Variants in SPAG17 observed in about 807,000 individuals in gnomAD.
SPAG17 encodes the protein sperm associated antigen 17.
Under a neutral mutation model 273.6 loss-of-function variants are expected in SPAG17, and 169 were observed. The observed-to-expected ratio is 0.62, with a 90% CI of 0.55 to 0.70. SPAG17 has a LOEUF of 0.70. SPAG17 is among the 30% of genes least tolerant of loss of function. SPAG17 has a pLI of 0.00. For missense variants in SPAG17, 2,557 were observed against 2,627.8 expected, an observed-to-expected ratio of 0.97 and a Z score of 0.59; for synonymous variants, 825 against 873.2, an observed-to-expected ratio of 0.94 and a Z score of 0.97.
At chr1:118,106,818 G>T (rs1656426844) in intron 4 of SPAG17, among the ~76,000 whole-genome samples, 1 of 152,184 alleles carries the variant, frequency 6.6e-6, no homozygotes, top group African/African-American at 2.4e-5. Context: ...TAGACAGTAA[G>T]AGGCCCTCTG....
Position 118,085,905 on chromosome 1 carries a change from CA to C in SPAG17, c.1762+16del. On this transcript the variant is annotated intron_variant, in intron 13 of 48. Coordinates refer to ENST00000336338, the MANE Select transcript of SPAG17 (RefSeq NM_206996.4). ...TAATTAAATTGAGTTTAAGCTAAGA[CA>C]AAGCAATGGACTCACCACTCGTACA... The C allele has an allele frequency of 6.4e-7, 1 of 1,571,206 alleles. No homozygotes were observed. The highest frequency in any genetic ancestry group is 1.2e-5 in the South Asian group (1 of 83,260).
At chr1:118,174,611 T>C (rs1660593086) in intron 1 of SPAG17, among the ~76,000 whole-genome samples, 1 of 152,130 alleles carries the variant, frequency 6.6e-6, no homozygotes, top group East Asian at 1.9e-4. Context: ...ATGACATGCA[T>C]ATAAAAATCC....
chr1:118,118,339 G>A (rs1485045212), intron 3 of SPAG17, among the ~76,000 whole-genome samples: 1 of 152,148 alleles, frequency 6.6e-6, no homozygotes, highest in Non-Finnish European at 1.5e-5. Flanking sequence ...TGGGGGGTAA[G>A]CTAGCCAGGG....
At chr1:118,058,875 A>G (rs920564452) in intron 18 of SPAG17, among the ~76,000 whole-genome samples, 1 of 152,234 alleles carries the variant, frequency 6.6e-6, no homozygotes, top group Admixed American at 6.5e-5. Context: ...GGGACATTTT[A>G]TCAGATTGAT....
At chr1:118,163,980 T>C (rs1570808391) in intron 1 of SPAG17, among the ~76,000 whole-genome samples, 1 of 152,206 alleles carries the variant, frequency 6.6e-6, no homozygotes, top group South Asian at 2.1e-4. Flanking sequence ...TTTTGTGACC[T>C]TCTCTCTAAC....
chr1:118,066,709 A>G, intron 18 of SPAG17, 36 bp downstream of exon 18: 4 of 1,584,686 alleles, frequency 2.5e-6, no homozygotes, highest in Non-Finnish European at 3.4e-6. Flanking sequence ...AACTAAACCC[A>G]ACTAACTAAT....
intron 12 of SPAG17, 120 bp downstream of exon 12, chr1:118,086,551 T>G: frequency 1.2e-6 from 1 of 855,644 alleles, no homozygotes; most frequent in Non-Finnish European, 1.8e-6. Flanking sequence ...CAAGTATCTA[T>G]TTTGTACATT....
At chr1:118,104,222 A>G (rs1207085732) in intron 4 of SPAG17, among the ~76,000 whole-genome samples, 1 of 152,218 alleles carries the variant, frequency 6.6e-6, no homozygotes, top group East Asian at 1.9e-4. Context: ...TATCTTGGAT[A>G]TTGAAACTTC....
At chr1:117,964,089 G>A (rs972218267) in intron 47 of SPAG17, 151 bp from the exon 48 acceptor site, 66 of 790,272 alleles carry the variant, frequency 8.4e-5, no homozygotes, top group Non-Finnish European at 1.1e-4. Flanking sequence ...TGCATGCTCA[G>A]GCTTGGGGGT....
rs917590902 is a variant in SPAG17, at chr1:117,975,898, T to A, written c.6005-2337A>T. Among the ~76,000 whole-genome samples the A allele has an allele frequency of 6.6e-5, 10 of 152,342 alleles. No homozygotes were observed. In the South Asian group the frequency reaches 1.0e-3, roughly 16 times the overall value. On this transcript the variant is annotated intron_variant, in intron 43 of 48. Transcript: ENST00000336338. ...AGTACTAATTTGTTGCTCATACTAT[T>A]ATTATTAATAGTAAATATGGTATGG...
chr1:117,966,834 A>G (rs1653913959), intron 46 of SPAG17, 81 bp from the exon 47 acceptor site: 2 of 1,245,264 alleles, frequency 1.6e-6, no homozygotes, highest in South Asian at 3.7e-5. Flanking sequence ...TGAGCAAGTT[A>G]CTTAAACTCT....
chr1:117,958,397 T>C (rs1427601953), intron 48 of SPAG17, among the ~76,000 whole-genome samples: 1 of 152,260 alleles, frequency 6.6e-6, no homozygotes, highest in East Asian at 1.9e-4. Context: ...TTGCTGGTTC[T>C]ACGAGTAACA....
At chr1:118,151,964 T>C (rs1306321561) in intron 1 of SPAG17, among the ~76,000 whole-genome samples, 1 of 152,200 alleles carries the variant, frequency 6.6e-6, no homozygotes, top group African/African-American at 2.4e-5. Flanking sequence ...TTTAAAAAAT[T>C]AGTTACTAAA....
chr1:117,985,416 A>G (rs995908840), intron 40 of SPAG17, among the ~76,000 whole-genome samples: 1 of 152,136 alleles, frequency 6.6e-6, no homozygotes, highest in Non-Finnish European at 1.5e-5. Context: ...TCCTTGCCTC[A>G]TGTCTTTCCC....
rs970756210 is a variant in SPAG17 at position 118,054,218 on chromosome 1, G to GT, written c.2723-126dup. ...TCAACTTCTCATTTATTTATCTCTGGTTTTTTTCTTGCCATCTCTAGAATG... is the reference window on the plus strand; with the variant it reads ...TCAACTTCTCATTTATTTATCTCTGGTTTTTTTTCTTGCCATCTCTAGAATG... On this transcript the variant is annotated intron_variant, in intron 19 of 48. Coordinates refer to ENST00000336338, the MANE Select transcript of SPAG17 (RefSeq NM_206996.4). 5.1e-4 allele frequency: 322 copies of GT among 625,334 alleles called. 3 individuals carry two copies. The highest frequency in any genetic ancestry group is 2.3e-3 in the Middle Eastern group (5 of 2,194). The allele number at this position is 625,334 out of a possible 1,614,324, so 38.7% of individuals were successfully genotyped here.
rs537771037 is a variant in SPAG17, at chr1:117,991,563, T to C, written c.5362-35A>G. The C allele has an allele frequency of 3.9e-6, 5 of 1,291,038 alleles. No individual in the cohort carries two copies. In the African/African-American group the frequency reaches 5.9e-5, roughly 15 times the overall value. 80.0% of individuals were successfully genotyped at this position (1,291,038 alleles called of 1,614,324 possible). On this transcript the variant is annotated intron_variant, in intron 36 of 48. Transcript: ENST00000336338. Reference sequence around the variant, plus strand: ...CAGAATAAAATACATAGACAAAAACTAGGAATTAGGAAGAGAGAGATACAA... The same window carrying C: ...CAGAATAAAATACATAGACAAAAACCAGGAATTAGGAAGAGAGAGATACAA...
intron 38 of SPAG17, among the ~76,000 whole-genome samples, chr1:117,989,274 C>A (rs1397656787): frequency 2.0e-5 from 3 of 152,148 alleles, no homozygotes; most frequent in Non-Finnish European, 4.4e-5. Context: ...ATTCTGCAGG[C>A]TGTGCAAGAA....
chr1:118,161,612 A>G (rs143035652), intron 1 of SPAG17, among the ~76,000 whole-genome samples: 3 of 152,024 alleles, frequency 2.0e-5, no homozygotes, highest in Middle Eastern at 3.4e-3. Flanking sequence ...ATCTCGGCAC[A>G]CTGCAAGCTC....
intron 20 of SPAG17, among the ~76,000 whole-genome samples, chr1:118,046,844 CA>C (rs1650413357): frequency 6.6e-6 from 1 of 151,660 alleles, no homozygotes; most frequent in Non-Finnish European, 1.5e-5. Flanking sequence ...CAAACTGATG[CA>C]AAATGTAAAG....
Sources: gnomAD v4.1 joint callset for allele counts (sites outside exome capture counted in the v4.1 genomes callset) on GRCh38, gnomAD v4.1.1 for gene constraint, MANE v1.5 for transcripts, NCBI Gene and HGNC (gene_info 2026-07-23, HGNC 2026-07-21) for gene names.